Variants in SLC22A13 observed in about 807,000 individuals in gnomAD.
SLC22A13 encodes the protein organic anion transporter 10.
SLC22A13 carries 42 observed loss-of-function variants against 49.1 expected under a neutral mutation model. That is an observed-to-expected ratio of 0.85 (90% confidence interval 0.67 to 1.11). The LOEUF (loss-of-function observed/expected upper bound fraction) is 1.11, where lower values mean the gene tolerates loss of function less well. Among genes scored for constraint, SLC22A13 ranks in the 50% least tolerant of loss-of-function variants. The probability of loss-of-function intolerance (pLI) is 0.00; values close to 1 mark genes in which losing one functional copy is unlikely to be tolerated. For missense variants in SLC22A13, 694 were observed against 712.8 expected, an observed-to-expected ratio of 0.97 and a Z score of 0.30; for synonymous variants, 282 against 293.1, an observed-to-expected ratio of 0.96 and a Z score of 0.39.
rs35816294 is a variant in SLC22A13 at position 38,274,597 on chromosome 3, TC to T, written c.483-5del. The stretch of plus-strand genomic sequence containing the variant: ...ACCCTCCCCACAGACCTGCCCTGTT[TC>T]CTCAGGATTGGCCGCAAGGCCACAA... On this transcript the variant is annotated splice_region_variant and splice_polypyrimidine_tract_variant and intron_variant, in intron 2 of 9. Transcript: ENST00000311856. The T allele has an allele frequency of 6.2e-7, 1 of 1,612,878 alleles. No homozygotes were observed. The highest frequency in any genetic ancestry group is 1.7e-5 in the Admixed American group (1 of 59,910).
rs1168278898 is a variant in SLC22A13, at chr3:38,274,263, C to T, written c.379-9C>T. On this transcript the variant is annotated splice_polypyrimidine_tract_variant and intron_variant, in intron 1 of 9. Coordinates refer to ENST00000311856, the MANE Select transcript of SLC22A13 (RefSeq NM_004256.4). ...CCCCTGGACTCACATCTGCCTGTGT[C>T]TCCCTCAGTTCAACCTGGTTTGTGA... 2 of 1,605,342 alleles carry T rather than the reference C, an allele frequency of 1.2e-6. No individual in the cohort carries two copies. Among genetic ancestry groups the T allele is most frequent in the Admixed American group, 1.7e-5 (1 of 60,024 alleles).
Position 38,274,600 on chromosome 3 carries a change from T to C in SLC22A13, c.483-4T>C. ...CTCCCCACAGACCTGCCCTGTTTCCTCAGGATTGGCCGCAAGGCCACAATC... is the reference window on the plus strand; with the variant it reads ...CTCCCCACAGACCTGCCCTGTTTCCCCAGGATTGGCCGCAAGGCCACAATC... On this transcript the variant is annotated splice_region_variant and splice_polypyrimidine_tract_variant and intron_variant, in intron 2 of 9. Transcript: ENST00000311856. 1 of 1,613,110 alleles carries C rather than the reference T, an allele frequency of 6.2e-7. No homozygotes were observed. Among genetic ancestry groups the C allele is most frequent in the South Asian group, 1.1e-5 (1 of 90,974 alleles).
intron 1 of SLC22A13, among the ~76,000 whole-genome samples, chr3:38,266,513 A>G (rs558076899): frequency 6.6e-6 from 1 of 151,998 alleles, no homozygotes; most frequent in East Asian, 1.9e-4. Flanking sequence ...CTCTCTGGCT[A>G]TCTACCCAGT....
At chr3:38,272,483 G>A (rs1390337624) in intron 1 of SLC22A13, among the ~76,000 whole-genome samples, 1 of 152,206 alleles carries the variant, frequency 6.6e-6, no homozygotes, top group East Asian at 1.9e-4. Flanking sequence ...ACAGGCTCAA[G>A]GTCACACAAA....
Position 38,277,184 on chromosome 3 carries a change from C to G in SLC22A13, c.1562+57C>G, listed in dbSNP as rs375893189. ...TTGGGTCTCACATTGGCCACGCACT[C>G]TATATGCCCAGGCCTCCACCTCATC... On this transcript the variant is annotated intron_variant, in intron 9 of 9. Coordinates refer to ENST00000311856, the MANE Select transcript of SLC22A13 (RefSeq NM_004256.4). The G allele has an allele frequency of 2.6e-4, 350 of 1,354,088 alleles. 1 individual carries two copies. The African/African-American group carries it at 4.8e-3, about 18-fold the overall frequency. The allele number at this position is 1,354,088 out of a possible 1,614,324, so 83.9% of individuals were successfully genotyped here. A position where few individuals can be genotyped will look rare whatever the true frequency, so the allele number is the denominator to read the frequency against.
chr3:38,271,877 G>T (rs1193998168), intron 1 of SLC22A13, among the ~76,000 whole-genome samples: 1 of 152,140 alleles, frequency 6.6e-6, no homozygotes, highest in Non-Finnish European at 1.5e-5. Context: ...AATAGGGGAG[G>T]GATCCGGGAT....
intron 1 of SLC22A13, among the ~76,000 whole-genome samples, chr3:38,268,179 A>T (rs537206915): frequency 3.2e-4 from 48 of 152,354 alleles, no homozygotes; most frequent in African/African-American, 1.2e-3. Flanking sequence ...ATAAGCCGAT[A>T]ACATCCCTGT....
intron 6 of SLC22A13, 21 bp from the exon 7 acceptor site, chr3:38,275,861 G>A (rs1317706597): frequency 6.2e-6 from 10 of 1,608,104 alleles, no homozygotes; most frequent in African/African-American, 1.3e-5. Context: ...GCAGTGACAG[G>A]AACCCTTCAT....
chr3:38,266,947 G>C (rs1387762961), intron 1 of SLC22A13, among the ~76,000 whole-genome samples: 1 of 152,230 alleles, frequency 6.6e-6, no homozygotes, highest in Non-Finnish European at 1.5e-5. Context: ...GGCACAGAAT[G>C]AGGATATGGC....
rs373982962 is a variant in SLC22A13 at position 38,276,343 on chromosome 3, G to A, written c.1294G>A (p.Ala432Thr). The change falls in exon 8 of 10, where the codon GCC becomes ACC. Residue 432 changes from alanine to threonine, a missense_variant. Physicochemically the swap from Ala to Thr is moderately conservative, Grantham distance 58. Transcript: ENST00000311856. ...GGTGGGGAAGATGGCCACAGCTGCT[G>A]CCTTTACCATCTCCTATGTGTACTC... ...AVVGKMATAA[A>T]FTISYVYSAE... is the part of the protein sequence containing the mutation. 1.7e-5 allele frequency: 28 copies of A among 1,613,754 alleles called. No homozygotes were observed. Among genetic ancestry groups the A allele is most frequent in the Non-Finnish European group, 2.4e-5 (28 of 1,179,920 alleles).
In SLC22A13 at chr3:38,276,115, C is replaced by T; in HGVS notation, c.1237+19C>T. 1 of 1,600,242 alleles carries T rather than the reference C, an allele frequency of 6.2e-7. No homozygotes were observed. The highest frequency in any genetic ancestry group is 8.6e-7 in the Non-Finnish European group (1 of 1,169,276). On this transcript the variant is annotated intron_variant, in intron 7 of 9. Coordinates refer to ENST00000311856, the MANE Select transcript of SLC22A13 (RefSeq NM_004256.4). Reference sequence around the variant, plus strand: ...CCAGCAGGTATCAGGGCTGGCTATCCCTCACCCGCATGCCCCCTCACCCAC... The same window carrying T: ...CCAGCAGGTATCAGGGCTGGCTATCTCTCACCCGCATGCCCCCTCACCCAC...
rs1242772270 is a variant in SLC22A13, at chr3:38,270,067, A to G, written c.378+3829A>G. ...TGAACTCCTCATTTTTTATGGCTGC[A>G]TAGTATTCCATGGTGTATATGTGCC... On this transcript the variant is annotated intron_variant, in intron 1 of 9. Transcript: ENST00000311856. Among the ~76,000 whole-genome samples, 3 of 152,038 alleles carry G rather than the reference A, an allele frequency of 2.0e-5. No individual in the cohort carries two copies. In the East Asian group the frequency reaches 5.8e-4, roughly 29 times the overall value.
In SLC22A13 at chr3:38,276,976, A is replaced by G. The variant is rs759361110; in HGVS notation, c.1411A>G (p.Ile471Val). 3.7e-6 allele frequency: 6 copies of G among 1,613,418 alleles called. No homozygotes were observed. Among genetic ancestry groups the G allele is most frequent in the Non-Finnish European group, 5.1e-6 (6 of 1,179,854 alleles). ...CGGGGGCATCCTCACACCACTTGTG[A>G]TCCTGCTGGGAGAGTACCACGCTGC... is the stretch of plus-strand genomic sequence containing the variant. ...RIGGILTPLV[I>V]LLGEYHAALP... The change falls in exon 9 of 10, where the codon ATC becomes GTC. Residue 471 changes from isoleucine (I) to valine (V), a missense_variant. By Grantham distance (29) the Ile-to-Val change is conservative. Coordinates refer to ENST00000311856, the MANE Select transcript of SLC22A13 (RefSeq NM_004256.4).
intron 7 of SLC22A13, 43 bp from the exon 8 acceptor site, chr3:38,276,244 C>G (rs368403312): frequency 6.5e-7 from 1 of 1,545,648 alleles, no homozygotes; most frequent in African/African-American, 1.4e-5. Flanking sequence ...TGGATGGGAC[C>G]GGCGTCAGGG....
chr3:38,267,995 G>A (rs2125862201), intron 1 of SLC22A13, among the ~76,000 whole-genome samples: 1 of 152,162 alleles, frequency 6.6e-6, no homozygotes, highest in East Asian at 1.9e-4. Context: ...TTAGATGGAT[G>A]TTTTCAAGGA....
At chr3:38,267,548 T>C (rs555902701) in intron 1 of SLC22A13, among the ~76,000 whole-genome samples, 64 of 152,290 alleles carry the variant, frequency 4.2e-4, no homozygotes, top group Admixed American at 1.3e-3. Context: ...CCAGAAAACC[T>C]TCCAGATTGC....
chr3:38,274,977 C>G lies in SLC22A13; in HGVS notation c.638-12C>G. ...AGGGATTAGCCCTGTCTCAACCTCTCCATTGCCACAGTGACAGAATGGGTG... is the reference window on the plus strand; with the variant it reads ...AGGGATTAGCCCTGTCTCAACCTCTGCATTGCCACAGTGACAGAATGGGTG... On this transcript the variant is annotated splice_polypyrimidine_tract_variant and intron_variant, in intron 3 of 9. Transcript: ENST00000311856. 6.2e-7 allele frequency: 1 copy of G among 1,613,314 alleles called. No individual in the cohort carries two copies. Among genetic ancestry groups the G allele is most frequent in the East Asian group, 2.2e-5 (1 of 44,846 alleles).
chr3:38,267,439 C>G (rs545796745), intron 1 of SLC22A13, among the ~76,000 whole-genome samples: 5 of 152,072 alleles, frequency 3.3e-5, no homozygotes, highest in Non-Finnish European at 7.4e-5. Context: ...GCATCACATC[C>G]ATGGCTGGTG....
At chr3:38,274,876 C>T in intron 3 of SLC22A13, 113 bp from the exon 4 acceptor site, 1 of 1,547,394 alleles carries the variant, frequency 6.5e-7, no homozygotes, top group South Asian at 1.2e-5. Flanking sequence ...GAAGTGGTCG[C>T]ACTGGTGCTT....
Sources: allele counts gnomAD v4.1 joint callset (sites outside exome capture counted in the v4.1 genomes callset), GRCh38; gene constraint gnomAD v4.1.1; transcripts MANE v1.5; gene names NCBI Gene and HGNC (gene_info 2026-07-23, HGNC 2026-07-21).